The following LINGO2 variants were observed in gnomAD, a reference collection of about 807,000 sequenced individuals.
LINGO2 encodes leucine rich repeat and Ig domain containing 2, also known as leucine-rich repeat and immunoglobulin-like domain-containing nogo receptor-interacting protein 2.
A neutral mutation model predicts 30.6 loss-of-function variants in LINGO2; 14 were observed. The ratio of observed to expected loss-of-function variants is 0.46; its 90% CI spans 0.30 to 0.72. LINGO2 has a LOEUF of 0.72. LINGO2 is among the 30% of genes least tolerant of loss of function. The pLI is 0.07. For synonymous variants in LINGO2, 317 were observed against 288.5 expected (o/e 1.10, Z -1.00); for missense variants, 729 against 751.7 (o/e 0.97, Z 0.35).
At chr9:27,960,203 A>T (rs1396513000) in intron 5 of LINGO2, among the ~76,000 whole-genome samples, 2 of 152,182 alleles carry the variant, frequency 1.3e-5, no homozygotes, top group African/African-American at 4.8e-5. Context: ...TTTTAAAAAA[A>T]CAAGCTGTTA....
At chr9:29,057,067 C>T in the LINGO2 span, among the ~76,000 whole-genome samples, 13 of 151,710 alleles carry the variant, frequency 8.6e-5, no homozygotes, top group African/African-American at 3.1e-4. Flanking sequence ...GCTATCTGGG[C>T]TCTCTTTTGG....
the LINGO2 span, chr9:28,888,745 A>G: frequency 2.3e-6 from 1 of 428,538 alleles, no homozygotes; most frequent in Non-Finnish European, 4.8e-6. Context: ...TAACTGAATT[A>G]TTTTGCATTT....
At chr9:29,071,813 T>C in the LINGO2 span, among the ~76,000 whole-genome samples, 29,883 of 151,696 alleles carry the variant, frequency 0.2, 3,077 homozygotes, top group African/African-American at 0.24. Context: ...TACCTGCTAC[T>C]TACTATTTGA....
the LINGO2 span, among the ~76,000 whole-genome samples, chr9:28,798,307 G>A: frequency 6.6e-6 from 1 of 152,200 alleles, no homozygotes; most frequent in African/African-American, 2.4e-5. Flanking sequence ...AGATAAAGAG[G>A]AAACATCTGC....
At chr9:29,099,432 G>C in the LINGO2 span, among the ~76,000 whole-genome samples, 1 of 152,092 alleles carries the variant, frequency 6.6e-6, no homozygotes, top group Admixed American at 6.5e-5. Context: ...AACAATCAAT[G>C]TAGTGAAGAT....
At chr9:28,271,080 T>A (rs1822921451) in intron 4 of LINGO2, among the ~76,000 whole-genome samples, 1 of 152,138 alleles carries the variant, frequency 6.6e-6, no homozygotes, top group Non-Finnish European at 1.5e-5. Context: ...ATTCCTGTGA[T>A]GTTCTTGGAA....
the LINGO2 span, among the ~76,000 whole-genome samples, chr9:28,708,495 C>A: frequency 6.6e-6 from 1 of 152,034 alleles, no homozygotes; most frequent in Non-Finnish European, 1.5e-5. Context: ...CAAGGCTGAT[C>A]AGTTGACTGT....
At position 28,666,538 on chromosome 9, in the gene LINGO2, G is replaced by T. The variant is rs73445594; in HGVS notation, c.-365+3662C>A. 1.3e-5 allele frequency among the ~76,000 whole-genome samples: 2 copies of T among 152,078 alleles called. 1 individual carries two copies. Among genetic ancestry groups the T allele is most frequent in the South Asian group, 4.1e-4 (2 of 4,830 alleles). On this transcript the variant is annotated intron_variant, in intron 1 of 5. Transcript: ENST00000379992. ...GGTACTCCTAGTCAACTAAATAATT[G>T]TTAGGCTCTAGTTCAAGGTCAGTTA...
At chr9:28,979,828 C>A in the LINGO2 span, among the ~76,000 whole-genome samples, 1 of 152,032 alleles carries the variant, frequency 6.6e-6, no homozygotes, top group Non-Finnish European at 1.5e-5. Flanking sequence ...TAATATATCG[C>A]TTTTTGATAT....
At chr9:28,458,885 A>T (rs535895881) in intron 2 of LINGO2, among the ~76,000 whole-genome samples, 1 of 152,328 alleles carries the variant, frequency 6.6e-6, no homozygotes, top group Non-Finnish European at 1.5e-5. Flanking sequence ...AAATCTACAA[A>T]AAGCTATGAA....
chr9:29,066,828 C>T, the LINGO2 span, among the ~76,000 whole-genome samples: 1 of 151,768 alleles, frequency 6.6e-6, no homozygotes, highest in Non-Finnish European at 1.5e-5. Flanking sequence ...TTCTTTTACT[C>T]TTTTGCTTTT....
At chr9:28,238,790 AAG>A (rs1452428434) in intron 4 of LINGO2, among the ~76,000 whole-genome samples, 1 of 145,542 alleles carries the variant, frequency 6.9e-6, no homozygotes, top group Non-Finnish European at 1.5e-5. Context: ...TACTAAAAAT[AAG>A]AACAGAAATA....
chr9:29,179,305 G>C, the LINGO2 span, among the ~76,000 whole-genome samples: 2 of 150,792 alleles, frequency 1.3e-5, no homozygotes, highest in Non-Finnish European at 3.0e-5. Flanking sequence ...GTCCCAGGGA[G>C]GCTTGTTTCC....
chr9:28,640,759 C>T (rs1379564066), intron 1 of LINGO2, among the ~76,000 whole-genome samples: 1 of 152,032 alleles, frequency 6.6e-6, no homozygotes, highest in African/African-American at 2.4e-5. Context: ...AACTTCTTTG[C>T]CATGGGTTCG....
the LINGO2 span, among the ~76,000 whole-genome samples, chr9:28,886,074 A>T: frequency 5.6e-4 from 85 of 152,316 alleles, 1 homozygote; most frequent in African/African-American, 2.0e-3. Context: ...GTATTGATAC[A>T]AATAAATAGA....
intron 3 of LINGO2, among the ~76,000 whole-genome samples, chr9:28,340,993 A>G (rs1200473824): frequency 1.3e-5 from 2 of 152,140 alleles, no homozygotes; most frequent in East Asian, 1.9e-4. Context: ...CATTAAAACA[A>G]TCTAATGAGT....
intron 2 of LINGO2, among the ~76,000 whole-genome samples, chr9:28,410,141 G>T (rs1291646225): frequency 1.3e-5 from 2 of 150,744 alleles, no homozygotes; most frequent in Non-Finnish European, 1.5e-5. Context: ...AAAGAGAAAG[G>T]AAGAAAGGAA....
intron 5 of LINGO2, among the ~76,000 whole-genome samples, chr9:28,001,080 T>C (rs1017955142): frequency 2.6e-5 from 4 of 152,244 alleles, no homozygotes; most frequent in Admixed American, 6.5e-5. Context: ...TCACCATCAA[T>C]GTGTTTTCAC....
the LINGO2 span, among the ~76,000 whole-genome samples, chr9:28,917,065 CT>C: frequency 2.0e-5 from 3 of 152,234 alleles, no homozygotes; most frequent in South Asian, 6.2e-4. Flanking sequence ...CCCTTTCTAC[CT>C]TTTGTGGTTG....
Sources: gnomAD v4.1 joint callset for allele counts (sites outside exome capture counted in the v4.1 genomes callset) on GRCh38, gnomAD v4.1.1 for gene constraint, MANE v1.5 for transcripts, NCBI Gene and HGNC (gene_info 2026-07-23, HGNC 2026-07-21) for gene names.